PLD5: variants seen among roughly 807,000 people sequenced by gnomAD.
PLD5 encodes the protein phospholipase D family member 5.
A neutral mutation model predicts 61.1 loss-of-function variants in PLD5; 36 were observed. That is an observed-to-expected ratio of 0.59 (90% CI 0.45 to 0.78). PLD5 has a LOEUF of 0.78. Among genes scored for constraint, PLD5 ranks in the 30% least tolerant of loss-of-function variants. PLD5 has a pLI of 0.00. For missense variants in PLD5, 515 were observed against 644.4 expected (o/e 0.80, Z 2.17); for synonymous variants, 243 against 242.8 (o/e 1.00, Z -0.01).
intron 3 of PLD5, among the ~76,000 whole-genome samples, chr1:242,276,315 C>A (rs1674406936): frequency 6.7e-6 from 1 of 149,664 alleles, no homozygotes; most frequent in Non-Finnish European, 1.5e-5. Context: ...CCAGCCTGGG[C>A]AACAAAGCAA....
chr1:242,167,226 C>T (rs1315149135), intron 5 of PLD5, among the ~76,000 whole-genome samples: 1 of 152,086 alleles, frequency 6.6e-6, no homozygotes, highest in Non-Finnish European at 1.5e-5. Flanking sequence ...TTAGTTTGTT[C>T]TCATGCTGCT....
intron 5 of PLD5, among the ~76,000 whole-genome samples, chr1:242,167,084 A>T (rs879269788): frequency 1.3e-5 from 1 of 79,580 alleles, no homozygotes; most frequent in Non-Finnish European, 3.0e-5. Flanking sequence ...AATAGTAATA[A>T]TAATAATAAT....
chr1:242,473,760 G>C (rs1667509092), intron 1 of PLD5, among the ~76,000 whole-genome samples: 1 of 152,158 alleles, frequency 6.6e-6, no homozygotes, highest in African/African-American at 2.4e-5. Context: ...AAGGTTGCTT[G>C]TGTGCATTAA....
chr1:242,347,877 G>A (rs1282978397), intron 2 of PLD5, among the ~76,000 whole-genome samples: 1 of 151,988 alleles, frequency 6.6e-6, no homozygotes, highest in Non-Finnish European at 1.5e-5. Context: ...AAATTTTTTT[G>A]TTCCCACCAG....
At chr1:242,515,379 A>AT (rs1243071853) in intron 1 of PLD5, among the ~76,000 whole-genome samples, 1 of 152,056 alleles carries the variant, frequency 6.6e-6, no homozygotes, top group Non-Finnish European at 1.5e-5. Context: ...CACTCAGCTA[A>AT]TTTTTTTGTA....
At chr1:242,321,119 C>T (rs1487535360) in intron 2 of PLD5, among the ~76,000 whole-genome samples, 1 of 152,076 alleles carries the variant, frequency 6.6e-6, no homozygotes, top group Non-Finnish European at 1.5e-5. Context: ...AGAGACCCAG[C>T]AAACAGAAGT....
intron 1 of PLD5, among the ~76,000 whole-genome samples, chr1:242,483,510 T>C (rs904918901): frequency 1.3e-5 from 2 of 152,204 alleles, no homozygotes; most frequent in African/African-American, 4.8e-5. Flanking sequence ...AAGAGCTAAC[T>C]ATCCTAAATA....
intron 7 of PLD5, among the ~76,000 whole-genome samples, chr1:242,109,842 G>C (rs952591899): frequency 6.6e-6 from 1 of 151,410 alleles, no homozygotes. Context: ...GTAATATTCT[G>C]CACTCAGGAG....
intron 4 of PLD5, among the ~76,000 whole-genome samples, chr1:242,230,410 C>A (rs1671225416): frequency 6.6e-6 from 1 of 152,138 alleles, no homozygotes; most frequent in African/African-American, 2.4e-5. Context: ...AGGTTTTCAC[C>A]TATTTCCTGA....
chr1:242,089,291 TTATGG>T lies in PLD5; in HGVS notation c.*558_*562del. Reference sequence around the variant, plus strand: ...AAGAGAAAATGATACCAAATAAAACTTATGGTATAAGAAGAAAATGAGCAAGACAG... The same window carrying T: ...AAGAGAAAATGATACCAAATAAAACTTATAAGAAGAAAATGAGCAAGACAG... On this transcript the variant is annotated 3_prime_UTR_variant, in exon 10 of 10. Coordinates refer to ENST00000536534, the MANE Select transcript of PLD5 (RefSeq NM_001372062.1). The T allele has an allele frequency of 2.5e-6, 1 of 399,258 alleles. No homozygotes were observed. Among genetic ancestry groups the T allele is most frequent in the Non-Finnish European group, 4.4e-6 (1 of 226,588 alleles). 24.7% of individuals were successfully genotyped at this position (399,258 alleles called of 1,614,324 possible).
intron 1 of PLD5, 48 bp downstream of exon 1, chr1:242,524,040 C>T (rs1423128285): frequency 9.3e-6 from 14 of 1,507,764 alleles, no homozygotes; most frequent in Admixed American, 2.0e-5. Flanking sequence ...GGGGAGGGTG[C>T]ATGCGGCAGG....
At chr1:242,177,125 CAT>C (rs1360147155) in intron 5 of PLD5, among the ~76,000 whole-genome samples, 5 of 152,210 alleles carry the variant, frequency 3.3e-5, no homozygotes, top group African/African-American at 1.2e-4. Flanking sequence ...CACATGTACA[CAT>C]ATGTTTATTG....
At chr1:242,351,441 G>A (rs1201101201) in intron 1 of PLD5, among the ~76,000 whole-genome samples, 2 of 152,072 alleles carry the variant, frequency 1.3e-5, no homozygotes, top group Non-Finnish European at 2.9e-5. Context: ...CATGGGGGTC[G>A]GTTTTTCCCA....
chr1:242,456,964 T>C (rs569589117), intron 1 of PLD5, among the ~76,000 whole-genome samples: 7 of 152,204 alleles, frequency 4.6e-5, no homozygotes, highest in Non-Finnish European at 1.0e-4. Context: ...AAAAGGAAAA[T>C]CTCTATGATA....
chr1:242,248,397 T>C, intron 4 of PLD5, among the ~76,000 whole-genome samples: 1 of 152,002 alleles, frequency 6.6e-6, no homozygotes, highest in Non-Finnish European at 1.5e-5. Context: ...TATATCTATG[T>C]AACAAACCTG....
chr1:242,211,502 A>G (rs904091883), intron 5 of PLD5, among the ~76,000 whole-genome samples: 5 of 152,184 alleles, frequency 3.3e-5, no homozygotes, highest in Non-Finnish European at 7.3e-5. Context: ...GCCTTTGTCA[A>G]TTAAATCTGT....
chr1:242,430,863 G>A (rs1212052305), intron 1 of PLD5, among the ~76,000 whole-genome samples: 1 of 152,132 alleles, frequency 6.6e-6, no homozygotes, highest in East Asian at 1.9e-4. Flanking sequence ...GTCTGAACAT[G>A]TCTGGATGCA....
intron 9 of PLD5, among the ~76,000 whole-genome samples, chr1:242,095,524 G>T (rs139092650): frequency 1.8e-3 from 281 of 152,164 alleles, no homozygotes; most frequent in African/African-American, 6.6e-3. Context: ...GAGCCACCAC[G>T]CCCGGCCTAA....
intron 2 of PLD5, among the ~76,000 whole-genome samples, chr1:242,294,291 T>A (rs976814843): frequency 2.0e-5 from 3 of 152,222 alleles, no homozygotes; most frequent in African/African-American, 7.2e-5. Context: ...TTTTACATTG[T>A]TAATAGAATT....
Sources: gnomAD v4.1 joint callset for allele counts (sites outside exome capture counted in the v4.1 genomes callset) on GRCh38, gnomAD v4.1.1 for gene constraint, MANE v1.5 for transcripts, NCBI Gene and HGNC (gene_info 2026-07-23, HGNC 2026-07-21) for gene names.